The following ATP8A2 variants were observed in gnomAD, a reference collection of about 807,000 sequenced individuals.
ATP8A2 encodes ATPase phospholipid transporting 8A2.
ATP8A2 carries 100 observed loss-of-function variants against 165.6 expected under a neutral mutation model. The ratio of observed to expected loss-of-function variants is 0.60; its 90% CI spans 0.51 to 0.71. The LOEUF is 0.71. Among genes scored for constraint, ATP8A2 ranks in the 30% least tolerant of loss-of-function variants. ATP8A2 has a pLI of 0.00. For missense variants in ATP8A2, 1,227 were observed against 1,479.5 expected (o/e 0.83, Z 2.80); for synonymous variants, 543 against 548.8 (o/e 0.99, Z 0.15).
intron 25 of ATP8A2, among the ~76,000 whole-genome samples, chr13:25,730,290 T>TCAA (rs540875631): frequency 1.1e-4 from 16 of 152,080 alleles, no homozygotes; most frequent in Admixed American, 2.0e-4. Flanking sequence ...AGACCCTGTC[T>TCAA]CAACAACAAC....
chr13:25,794,088 G>A (rs1251180839), intron 27 of ATP8A2, among the ~76,000 whole-genome samples: 1 of 152,174 alleles, frequency 6.6e-6, no homozygotes, highest in African/African-American at 2.4e-5. Context: ...TTTGAGATGG[G>A]GAGAAGACAG....
intron 25 of ATP8A2, among the ~76,000 whole-genome samples, chr13:25,712,815 TG>T (rs1350113259): frequency 6.6e-6 from 1 of 152,006 alleles, no homozygotes; most frequent in Non-Finnish European, 1.5e-5. Context: ...GTAGGGATGA[TG>T]GGTGGGGAGA....
chr13:25,761,530 C>T (rs1366167940), intron 25 of ATP8A2, among the ~76,000 whole-genome samples: 1 of 152,028 alleles, frequency 6.6e-6, no homozygotes, highest in African/African-American at 2.4e-5. Flanking sequence ...GCGGCCTCAG[C>T]TGCTTGGGAG....
chr13:25,999,630 C>G (rs183286857), intron 35 of ATP8A2, among the ~76,000 whole-genome samples: 1 of 152,100 alleles, frequency 6.6e-6, no homozygotes, highest in African/African-American at 2.4e-5. Context: ...AGTGTCTGCA[C>G]GGCGAGGTCA....
At chr13:25,838,381 G>T (rs538855021) in intron 29 of ATP8A2, among the ~76,000 whole-genome samples, 1 of 152,132 alleles carries the variant, frequency 6.6e-6, no homozygotes, top group South Asian at 2.1e-4. Flanking sequence ...AAAGAGACCC[G>T]AGGGACTCAT....
At chr13:25,561,018 C>G (rs1485466154) in intron 15 of ATP8A2, among the ~76,000 whole-genome samples, 2 of 151,858 alleles carry the variant, frequency 1.3e-5, no homozygotes, top group East Asian at 3.9e-4. Flanking sequence ...TCCCGAGTAG[C>G]TGGGACTACA....
chr13:25,825,377 A>G (rs1476438451), intron 27 of ATP8A2, among the ~76,000 whole-genome samples: 1 of 151,562 alleles, frequency 6.6e-6, no homozygotes, highest in Admixed American at 6.6e-5. Context: ...CAGGCTGGTC[A>G]TGAACTCCTG....
At chr13:25,718,344 T>A (rs747237532) in intron 25 of ATP8A2, among the ~76,000 whole-genome samples, 4 of 152,154 alleles carry the variant, frequency 2.6e-5, no homozygotes, top group African/African-American at 9.7e-5. Context: ...TCAGAAAAAA[T>A]TTAAATGACA....
intron 30 of ATP8A2, among the ~76,000 whole-genome samples, chr13:25,855,677 G>A (rs1952143815): frequency 6.6e-6 from 1 of 152,138 alleles, no homozygotes. Context: ...TCTTGGATGT[G>A]TACCTAGGAG....
intron 24 of ATP8A2, among the ~76,000 whole-genome samples, chr13:25,630,598 T>C (rs1029299014): frequency 2.6e-5 from 4 of 152,224 alleles, no homozygotes; most frequent in Non-Finnish European, 5.9e-5. Flanking sequence ...GATGCTCATG[T>C]ACTCCTATGA....
chr13:25,711,278 T>C (rs2043153198), intron 25 of ATP8A2, among the ~76,000 whole-genome samples: 1 of 152,188 alleles, frequency 6.6e-6, no homozygotes, highest in Non-Finnish European at 1.5e-5. Flanking sequence ...GTGCTGGGAT[T>C]ACAGGCGTGA....
chr13:25,888,979 G>A (rs541753700), intron 33 of ATP8A2, among the ~76,000 whole-genome samples: 4 of 151,530 alleles, frequency 2.6e-5, no homozygotes, highest in South Asian at 2.1e-4. Context: ...TCTTCTCTTC[G>A]TCACCTAAAT....
At chr13:25,738,852 G>A (rs998436813) in intron 25 of ATP8A2, among the ~76,000 whole-genome samples, 1 of 152,166 alleles carries the variant, frequency 6.6e-6, no homozygotes, top group Non-Finnish European at 1.5e-5. Context: ...AGGATATATT[G>A]ATTTATTTTC....
chr13:25,480,831 C>T (rs2137581605), intron 2 of ATP8A2, among the ~76,000 whole-genome samples: 1 of 150,252 alleles, frequency 6.7e-6, no homozygotes, highest in Non-Finnish European at 1.5e-5. Context: ...TTGTAGCGAG[C>T]CGAGATCACG....
chr13:25,588,416 G>C (rs2138284608), intron 23 of ATP8A2, among the ~76,000 whole-genome samples: 1 of 152,264 alleles, frequency 6.6e-6, no homozygotes, highest in South Asian at 2.1e-4. Context: ...TAGTAGGTCT[G>C]AGCACATAAA....
rs562544624 is a variant in ATP8A2 at position 25,753,851 on chromosome 13, A to T, written c.2385-15195A>T. Among the ~76,000 whole-genome samples, 257 of 152,358 alleles carry T rather than the reference A, an allele frequency of 1.7e-3. 1 individual carries two copies. The highest frequency in any genetic ancestry group is 2.7e-3 in the Non-Finnish European group (181 of 68,032). On this transcript the variant is annotated intron_variant, in intron 25 of 36. Coordinates refer to ENST00000381655, the MANE Select transcript of ATP8A2 (RefSeq NM_016529.6). ...GGAAAAGTCTGTTTCTATCACTAAC[A>T]TAGCATCTGGAAGAAATAGAAAATG...
intron 11 of ATP8A2, among the ~76,000 whole-genome samples, chr13:25,553,164 T>A (rs1402984516): frequency 6.6e-6 from 1 of 151,762 alleles, no homozygotes; most frequent in East Asian, 2.0e-4. Flanking sequence ...GAACTTTCCC[T>A]TTGATACCCC....
chr13:25,827,254 G>A (rs1951346416), intron 27 of ATP8A2, among the ~76,000 whole-genome samples: 1 of 152,096 alleles, frequency 6.6e-6, no homozygotes, highest in East Asian at 1.9e-4. Flanking sequence ...TGGGATTACA[G>A]GTGCGTGCCA....
At chr13:25,544,515 AT>A (rs2038583108) in intron 10 of ATP8A2, among the ~76,000 whole-genome samples, 2 of 152,124 alleles carry the variant, frequency 1.3e-5, no homozygotes, top group Non-Finnish European at 2.9e-5. Context: ...GAGAGATGGG[AT>A]TAGAAGGGTT....
Sources: gnomAD v4.1 joint callset for allele counts (sites outside exome capture counted in the v4.1 genomes callset) on GRCh38, gnomAD v4.1.1 for gene constraint, MANE v1.5 for transcripts, NCBI Gene and HGNC (gene_info 2026-07-23, HGNC 2026-07-21) for gene names.